The following PIEZO2 variants were observed in gnomAD, a reference collection of about 807,000 sequenced individuals.
PIEZO2 encodes the protein piezo type mechanosensitive ion channel component 2.
In PIEZO2, 172 loss-of-function variants were observed where a neutral mutation model predicts 337.3. The observed-to-expected ratio is 0.51, with a 90% CI of 0.45 to 0.58. The LOEUF (loss-of-function observed/expected upper bound fraction) is 0.58, where lower values mean the gene tolerates loss of function less well. Ranked by LOEUF, PIEZO2 falls within the 20% of genes least tolerant of loss-of-function variation. PIEZO2 has a pLI of 0.00. For missense variants in PIEZO2, 3,028 were observed against 3,391.3 expected (o/e 0.89, Z 2.66); for synonymous variants, 1,251 against 1,228.5 (o/e 1.02, Z -0.38).
intron 2 of PIEZO2, among the ~76,000 whole-genome samples, chr18:11,056,701 A>G (rs1267499065): frequency 6.6e-6 from 1 of 152,164 alleles, no homozygotes; most frequent in Non-Finnish European, 1.5e-5. Flanking sequence ...AGGGCCATCC[A>G]GGAGCTGCTA....
At chr18:10,906,857 G>C (rs576381378) in intron 4 of PIEZO2, among the ~76,000 whole-genome samples, 3 of 151,954 alleles carry the variant, frequency 2.0e-5, no homozygotes, top group Non-Finnish European at 4.4e-5. Context: ...CACCACGCCC[G>C]GCCCAAGAAC....
rs1254988706 is a variant in PIEZO2, at chr18:10,767,732, A to G, written c.2946+2416T>C. 1.3e-5 allele frequency among the ~76,000 whole-genome samples: 2 copies of G among 152,054 alleles called. No homozygotes were observed. Among genetic ancestry groups the G allele is most frequent in the Non-Finnish European group, 2.9e-5 (2 of 67,984 alleles). On this transcript the variant is annotated intron_variant, in intron 21 of 55. Transcript: ENST00000674853. This position sits in a 1 kb window ranked among gnomAD's most constrained non-coding sequence, Gnocchi z 4.2. ...CCCTGGTCCTGATGGGGAGGCACAG[A>G]GCACCCAGAGCTGCTCCAAGGCTGC...
At chr18:10,906,847 C>T (rs1483387493) in intron 4 of PIEZO2, among the ~76,000 whole-genome samples, 1 of 152,114 alleles carries the variant, frequency 6.6e-6, no homozygotes, top group Non-Finnish European at 1.5e-5. Context: ...AGGAGTGAGC[C>T]ACCACGCCCG....
chr18:10,704,344 C>T, intron 42 of PIEZO2, 50 bp downstream of exon 42: 1 of 1,524,584 alleles, frequency 6.6e-7, no homozygotes, highest in South Asian at 1.2e-5. Flanking sequence ...GTATGCTTCC[C>T]CTTGCATAGC....
intron 4 of PIEZO2, among the ~76,000 whole-genome samples, chr18:10,904,097 A>G (rs1247851742): frequency 1.3e-5 from 2 of 152,224 alleles, no homozygotes; most frequent in Non-Finnish European, 2.9e-5. Flanking sequence ...TATAATAGTC[A>G]GTTACATGAT....
At chr18:10,967,659 CTG>C (rs1263064906) in intron 3 of PIEZO2, among the ~76,000 whole-genome samples, 1 of 152,114 alleles carries the variant, frequency 6.6e-6, no homozygotes, top group East Asian at 1.9e-4. Context: ...TGGTATCACA[CTG>C]TGGTTTTGAT....
rs571235908 is a variant in PIEZO2 at position 10,899,250 on chromosome 18, G to A, written c.329+11936C>T. On this transcript the variant is annotated intron_variant, in intron 4 of 55. Transcript: ENST00000674853. This position sits in a 1 kb window ranked among gnomAD's most constrained non-coding sequence, Gnocchi z 4.6. ...ACAATACTGGGACAATCCTGTAGTT[G>A]TTCGCTACTTCAAATATTCTGTGTA... is the stretch of plus-strand genomic sequence containing the variant. 6.6e-6 allele frequency among the ~76,000 whole-genome samples: 1 copy of A among 152,300 alleles called. No homozygotes were observed. Among genetic ancestry groups the A allele is most frequent in the Non-Finnish European group, 1.5e-5 (1 of 68,020 alleles).
At chr18:10,998,055 A>G (rs918579487) in intron 2 of PIEZO2, among the ~76,000 whole-genome samples, 4 of 152,124 alleles carry the variant, frequency 2.6e-5, no homozygotes, top group Non-Finnish European at 4.4e-5. Context: ...CAATTTAAAG[A>G]CCACATATTT....
Position 10,797,354 on chromosome 18 carries a change from TATC to T in PIEZO2, c.1527+17_1527+19del. 2.0e-6 allele frequency: 3 copies of T among 1,482,100 alleles called. No homozygotes were observed. Among genetic ancestry groups the T allele is most frequent in the South Asian group, 1.2e-5 (1 of 82,516 alleles). The allele number at this position is 1,482,100 out of a possible 1,614,324, so 91.8% of individuals were successfully genotyped here. On this transcript the variant is annotated intron_variant, in intron 12 of 55. Transcript: ENST00000674853. ...CATATTATACATATCATATTATACC[TATC>T]ATCATATCATACATACCATCATAGC...
At chr18:10,763,175 G>C (rs1474892212) in intron 21 of PIEZO2, 77 bp from the exon 22 acceptor site, 9 of 1,428,282 alleles carry the variant, frequency 6.3e-6, no homozygotes, top group African/African-American at 1.4e-5. Flanking sequence ...AAAACAGGAT[G>C]ACTTGATTTA....
rs930261643 is a variant in PIEZO2, at chr18:10,872,887, G to A, written c.330-1472C>T. 5.9e-5 allele frequency among the ~76,000 whole-genome samples: 9 copies of A among 152,288 alleles called. No individual in the cohort carries two copies. Among genetic ancestry groups the A allele is most frequent in the Admixed American group, 2.6e-4 (4 of 15,294 alleles). ...ATACAGGTAGAGGAGTCAAGAGTCT[G>A]TACCAGCATTAAAACTTCTGGGGAA... is the stretch of plus-strand genomic sequence containing the variant. On this transcript the variant is annotated intron_variant, in intron 4 of 55. Coordinates refer to ENST00000674853, the MANE Select transcript of PIEZO2 (RefSeq NM_001378183.1). This position sits in a 1 kb window ranked among gnomAD's most constrained non-coding sequence, Gnocchi z 4.3.
At chr18:11,014,539 C>T (rs368435574) in intron 2 of PIEZO2, among the ~76,000 whole-genome samples, 9 of 146,460 alleles carry the variant, frequency 6.1e-5, no homozygotes, top group African/African-American at 1.3e-4. Flanking sequence ...GGACAGCGAT[C>T]CAGAGCCCCT....
At chr18:10,701,861 G>A (rs1191413232) in intron 43 of PIEZO2, 128 bp downstream of exon 43, 4 of 667,262 alleles carry the variant, frequency 6.0e-6, no homozygotes, top group Admixed American at 4.0e-5. Flanking sequence ...AAACATATGA[G>A]TAGATACCAC....
At chr18:10,725,162 C>T in intron 36 of PIEZO2, 1 of 1,484,094 alleles carries the variant, frequency 6.7e-7, no homozygotes, top group South Asian at 1.1e-5. Context: ...TACTGCGAGG[C>T]CTCTGGACAG....
At chr18:10,691,783 AT>A in intron 47 of PIEZO2, among the ~76,000 whole-genome samples, 2 of 13,122 alleles carry the variant, frequency 1.5e-4, no homozygotes, top group South Asian at 4.0e-3. Flanking sequence ...ACACACACAC[AT>A]ATATATATAT....
chr18:10,833,454 C>T lies in PIEZO2; in HGVS notation c.917+21899G>A, dbSNP rs937687124. On this transcript the variant is annotated intron_variant, in intron 7 of 55. Coordinates refer to ENST00000674853, the MANE Select transcript of PIEZO2 (RefSeq NM_001378183.1). The surrounding 1 kb of genome is among the most constrained non-coding windows in gnomAD (Gnocchi z 4.7). The stretch of plus-strand genomic sequence containing the variant: ...CCAGAACCCCTGGAATCTCCTGGGG[C>T]GGGGCTGAAGGTGGCAGAACATGCA... Among the ~76,000 whole-genome samples the T allele has an allele frequency of 3.3e-5, 5 of 152,120 alleles. No homozygotes were observed. Among genetic ancestry groups the T allele is most frequent in the African/African-American group, 9.7e-5 (4 of 41,450 alleles).
rs1235321112 is a variant in PIEZO2 at position 11,132,120 on chromosome 18, T to C, written c.64+16405A>G. Among the ~76,000 whole-genome samples, 1 of 152,140 alleles carries C rather than the reference T, an allele frequency of 6.6e-6. No homozygotes were observed. The highest frequency in any genetic ancestry group is 1.5e-5 in the Non-Finnish European group (1 of 68,014). On this transcript the variant is annotated intron_variant, in intron 1 of 55. Transcript: ENST00000674853. This position sits in a 1 kb window ranked among gnomAD's most constrained non-coding sequence, Gnocchi z 4.7. Reference sequence around the variant, plus strand: ...TGATTATATTGGACCTCTTCCAACATGGAAAGAGGAGAGATTTGTTCTCAC... The same window carrying C: ...TGATTATATTGGACCTCTTCCAACACGGAAAGAGGAGAGATTTGTTCTCAC...
intron 7 of PIEZO2, among the ~76,000 whole-genome samples, chr18:10,817,736 A>G (rs1384196673): frequency 6.6e-6 from 1 of 152,142 alleles, no homozygotes; most frequent in East Asian, 1.9e-4. Context: ...ATCCTGGCTA[A>G]CACAGTGAAA....
At position 11,028,613 on chromosome 18, in the gene PIEZO2, A is replaced by C. The variant is rs2036623084; in HGVS notation, c.160+37514T>G. 6.6e-6 allele frequency among the ~76,000 whole-genome samples: 1 copy of C among 152,192 alleles called. No individual in the cohort carries two copies. The highest frequency in any genetic ancestry group is 6.5e-5 in the Admixed American group (1 of 15,274). On this transcript the variant is annotated intron_variant, in intron 2 of 55. Transcript: ENST00000674853. The surrounding 1 kb of genome is among the most constrained non-coding windows in gnomAD (Gnocchi z 4.8). ...GACACTGTCCTTCAGCTTTATCTGAACACCCCCATAACAATGTGTGACTAA... is the reference window on the plus strand; with the variant it reads ...GACACTGTCCTTCAGCTTTATCTGACCACCCCCATAACAATGTGTGACTAA...
Sources: allele counts gnomAD v4.1 joint callset (sites outside exome capture counted in the v4.1 genomes callset), GRCh38; gene constraint gnomAD v4.1.1; non-coding constraint Gnocchi (gnomAD v3.1); transcripts MANE v1.5; gene names NCBI Gene and HGNC (gene_info 2026-07-23, HGNC 2026-07-21).